Variants in PPP3CA observed in about 807,000 individuals in gnomAD.
PPP3CA encodes CAM-PRP catalytic subunit.
PPP3CA carries 14 observed loss-of-function variants against 66.5 expected under a neutral mutation model. The ratio of observed to expected loss-of-function variants is 0.21; its 90% CI spans 0.14 to 0.33. The LOEUF is 0.33. Among genes scored for constraint, PPP3CA ranks in the 10% least tolerant of loss-of-function variants. PPP3CA has a pLI of 1.00. For synonymous variants in PPP3CA, 232 were observed against 226.2 expected, an observed-to-expected ratio of 1.03 and a Z score of -0.23; for missense variants, 317 against 639.5, an observed-to-expected ratio of 0.50 and a Z score of 5.44.
chr4:101,055,544 C>T (rs1319225668), intron 10 of PPP3CA, among the ~76,000 whole-genome samples: 3 of 152,066 alleles, frequency 2.0e-5, no homozygotes, highest in Middle Eastern at 3.2e-3. Flanking sequence ...ATTTTATTTT[C>T]AACATAGAAG....
rs114597366 is a variant in PPP3CA, at chr4:101,137,318, G to A, written c.260-28240C>T. Among the ~76,000 whole-genome samples, 1,097 of 152,152 alleles carry A rather than the reference G, an allele frequency of 7.2e-3. 20 individuals carry two copies. The highest frequency in any genetic ancestry group is 0.026 in the African/African-American group (1,067 of 41,500). The stretch of plus-strand genomic sequence containing the variant: ...AAAGCAATTAAAAAGGCAAGATGGG[G>A]GGAGTAGTAGGGAATCTGACTGAGT... On this transcript the variant is annotated intron_variant, in intron 2 of 13. Coordinates refer to ENST00000394854, the MANE Select transcript of PPP3CA (RefSeq NM_000944.5).
At chr4:101,283,954 T>C (rs914130047) in intron 1 of PPP3CA, among the ~76,000 whole-genome samples, 1 of 152,184 alleles carries the variant, frequency 6.6e-6, no homozygotes, top group African/African-American at 2.4e-5. Flanking sequence ...TTAAATTAAT[T>C]AAAACTAAAT....
intron 2 of PPP3CA, among the ~76,000 whole-genome samples, chr4:101,195,679 T>C (rs1297825252): frequency 6.6e-6 from 1 of 152,208 alleles, no homozygotes; most frequent in Non-Finnish European, 1.5e-5. Context: ...TCAGAAATCA[T>C]CACCATCTCT....
chr4:101,252,022 G>A (rs1010445698), intron 1 of PPP3CA, among the ~76,000 whole-genome samples: 19 of 152,174 alleles, frequency 1.2e-4, no homozygotes, highest in Middle Eastern at 3.4e-3. Flanking sequence ...TGCTGAAAAC[G>A]GGCATACCCA....
At chr4:101,272,192 T>C (rs943082013) in intron 1 of PPP3CA, among the ~76,000 whole-genome samples, 1 of 152,206 alleles carries the variant, frequency 6.6e-6, no homozygotes, top group African/African-American at 2.4e-5. Flanking sequence ...TAGCACTTAA[T>C]ACTACATACC....
intron 1 of PPP3CA, among the ~76,000 whole-genome samples, chr4:101,262,778 T>A (rs1311042652): frequency 1.3e-5 from 2 of 152,178 alleles, no homozygotes; most frequent in Admixed American, 6.6e-5. Flanking sequence ...GTCAAGCTTA[T>A]GTGAGCTCTA....
chr4:101,164,190 C>A (rs1723612287), intron 2 of PPP3CA, among the ~76,000 whole-genome samples: 1 of 145,636 alleles, frequency 6.9e-6, no homozygotes, highest in Non-Finnish European at 1.5e-5. Context: ...CCTATTCTGA[C>A]CACTCTACTT....
At chr4:101,143,435 G>C (rs1722872065) in intron 2 of PPP3CA, among the ~76,000 whole-genome samples, 1 of 152,118 alleles carries the variant, frequency 6.6e-6, no homozygotes, top group Non-Finnish European at 1.5e-5. Context: ...TAGCTCCTCA[G>C]TCAAGCTACC....
intron 1 of PPP3CA, among the ~76,000 whole-genome samples, chr4:101,219,864 A>G (rs1033975345): frequency 1.3e-5 from 2 of 151,866 alleles, no homozygotes; most frequent in East Asian, 3.9e-4. Flanking sequence ...TTCAATAATG[A>G]GATACACAAA....
At chr4:101,152,252 A>T (rs1560628939) in intron 2 of PPP3CA, among the ~76,000 whole-genome samples, 1 of 152,234 alleles carries the variant, frequency 6.6e-6, no homozygotes, top group Non-Finnish European at 1.5e-5. Flanking sequence ...TAATATTTGG[A>T]AAATCATATA....
At chr4:101,153,184 G>T (rs1163050384) in intron 2 of PPP3CA, among the ~76,000 whole-genome samples, 1 of 152,156 alleles carries the variant, frequency 6.6e-6, no homozygotes, top group Non-Finnish European at 1.5e-5. Context: ...CTATTAAAGG[G>T]TTTTGTGTAG....
intron 2 of PPP3CA, among the ~76,000 whole-genome samples, chr4:101,181,720 A>G (rs902891971): frequency 6.6e-6 from 1 of 152,142 alleles, no homozygotes; most frequent in Admixed American, 6.6e-5. Flanking sequence ...TTACAATTCT[A>G]TGATTATATG....
chr4:101,054,725 A>G (rs1429289164), intron 10 of PPP3CA, among the ~76,000 whole-genome samples: 2 of 152,022 alleles, frequency 1.3e-5, no homozygotes, highest in Non-Finnish European at 2.9e-5. Flanking sequence ...AAGGCAGACT[A>G]TGGAAGATAA....
chr4:101,062,779 A>T (rs566895824), intron 9 of PPP3CA, among the ~76,000 whole-genome samples: 1 of 152,062 alleles, frequency 6.6e-6, no homozygotes, highest in Non-Finnish European at 1.5e-5. Context: ...TATTGTAGCC[A>T]TTAAGCACTA....
At chr4:101,115,345 C>A (rs1385542514) in intron 2 of PPP3CA, among the ~76,000 whole-genome samples, 2 of 151,860 alleles carry the variant, frequency 1.3e-5, no homozygotes, top group African/African-American at 2.4e-5. Context: ...ATAAACATGA[C>A]CAGAACCAAG....
intron 1 of PPP3CA, among the ~76,000 whole-genome samples, chr4:101,274,388 CAATT>C (rs1248891385): frequency 3.3e-5 from 5 of 152,244 alleles, no homozygotes; most frequent in Admixed American, 2.6e-4. Flanking sequence ...AGTCTTTACT[CAATT>C]AGTATTGAAG....
chr4:101,347,330 C>T lies in PPP3CA; in HGVS notation c.-534G>A. 9.8e-6 allele frequency: 2 copies of T among 203,984 alleles called. No homozygotes were observed. The highest frequency in any genetic ancestry group is 9.7e-6 in the Non-Finnish European group (1 of 103,270). The allele number at this position is 203,984 out of a possible 1,614,324, so 12.6% of individuals were successfully genotyped here. A position where few individuals can be genotyped will look rare whatever the true frequency, so the allele number is the denominator to read the frequency against. The stretch of plus-strand genomic sequence containing the variant: ...GCGGAGAGGCGGCCGCCGCTGCTGC[C>T]GCTGCTGCTGCCGCTGCCGCTGTTG... On this transcript the variant is annotated 5_prime_UTR_variant, in exon 1 of 14. Transcript: ENST00000394854.
At chr4:101,252,407 AACATTGTCATTGTGTCTTATCTT>A (rs1726706330) in intron 1 of PPP3CA, among the ~76,000 whole-genome samples, 1 of 152,226 alleles carries the variant, frequency 6.6e-6, no homozygotes, top group African/African-American at 2.4e-5. Context: ...CAATTAAAAT[AACATTGTCATTGTGTCTTATCTT>A]TTTTTCTGAT....
At chr4:101,121,039 G>A (rs1722011299) in intron 2 of PPP3CA, among the ~76,000 whole-genome samples, 1 of 152,010 alleles carries the variant, frequency 6.6e-6, no homozygotes, top group South Asian at 2.1e-4. Context: ...ATTAACACAG[G>A]TGTTTGGAAA....
Sources: gnomAD v4.1 joint callset for allele counts (sites outside exome capture counted in the v4.1 genomes callset) on GRCh38, gnomAD v4.1.1 for gene constraint, MANE v1.5 for transcripts, NCBI Gene and HGNC (gene_info 2026-07-23, HGNC 2026-07-21) for gene names.